Variants in GLI3 observed in about 807,000 individuals in gnomAD.
The protein encoded by GLI3 is transcription activator GLI3.
Under a neutral mutation model 100.8 loss-of-function variants are expected in GLI3, and 20 were observed. The observed-to-expected ratio is 0.20, with a 90% CI of 0.14 to 0.29. The LOEUF (loss-of-function observed/expected upper bound fraction) is 0.29. Ranked by LOEUF, GLI3 falls within the 10% of genes least tolerant of loss-of-function variation. GLI3 has a pLI of 1.00. For missense variants in GLI3, 2,040 were observed against 2,128.5 expected (o/e 0.96, Z 0.82); for synonymous variants, 938 against 860.5 (o/e 1.09, Z -1.58).
At chr7:42,123,102 T>C (rs1786041602) in intron 3 of GLI3, among the ~76,000 whole-genome samples, 1 of 152,238 alleles carries the variant, frequency 6.6e-6, no homozygotes, top group South Asian at 2.1e-4. Flanking sequence ...TTATTTCAAA[T>C]GCGTATGTCT....
At chr7:42,121,588 TC>T (rs1388992881) in intron 3 of GLI3, among the ~76,000 whole-genome samples, 2 of 152,196 alleles carry the variant, frequency 1.3e-5, no homozygotes, top group African/African-American at 4.8e-5. Context: ...TGCCCTCTCT[TC>T]CACATTGGTC....
intron 3 of GLI3, among the ~76,000 whole-genome samples, 175 bp downstream of exon 3, chr7:42,148,051 A>G (rs1786760114): frequency 6.6e-6 from 1 of 152,102 alleles, no homozygotes; most frequent in South Asian, 2.1e-4. Context: ...AAAGAATGGG[A>G]AAGAAGTAGG....
At chr7:42,263,714 C>T (rs1376899016) in intron 1 of GLI3, among the ~76,000 whole-genome samples, 3 of 152,130 alleles carry the variant, frequency 2.0e-5, no homozygotes, top group Non-Finnish European at 2.9e-5. Context: ...TCCCAAAGTG[C>T]TGGGATTACA....
rs187869238 is a variant in GLI3, at chr7:42,025,114, C to A, written c.1356+150G>T. ...GTCACTCCATATCTAGCCTTTTGTACAACATGTAGAGTACGGCCAAGGTCA... is the reference window on the plus strand; with the variant it reads ...GTCACTCCATATCTAGCCTTTTGTAAAACATGTAGAGTACGGCCAAGGTCA... On this transcript the variant is annotated intron_variant, in intron 9 of 14. Coordinates refer to ENST00000395925, the MANE Select transcript of GLI3 (RefSeq NM_000168.6). The A allele has an allele frequency of 3.5e-4, 218 of 628,236 alleles. 1 individual carries two copies. Among genetic ancestry groups the A allele is most frequent in the Admixed American group, 1.3e-3 (50 of 38,118 alleles). 38.9% of individuals were successfully genotyped at this position (628,236 alleles called of 1,614,324 possible).
intron 10 of GLI3, among the ~76,000 whole-genome samples, chr7:42,014,753 G>A (rs889600105): frequency 3.3e-5 from 5 of 152,092 alleles, no homozygotes; most frequent in Non-Finnish European, 5.9e-5. Context: ...CCCAACCCCA[G>A]CACCCTAGAT....
chr7:42,127,200 G>A (rs1440702560), intron 3 of GLI3, among the ~76,000 whole-genome samples: 1 of 152,202 alleles, frequency 6.6e-6, no homozygotes, highest in African/African-American at 2.4e-5. Context: ...CGGCCAGAGA[G>A]GCCCAGCAGT....
At chr7:42,091,178 T>C (rs1043963326) in intron 3 of GLI3, among the ~76,000 whole-genome samples, 6 of 152,258 alleles carry the variant, frequency 3.9e-5, no homozygotes, top group African/African-American at 1.4e-4. Context: ...ACTATGGAGC[T>C]GGTCCTGAGT....
At chr7:42,018,352 T>C (rs935188792) in intron 10 of GLI3, among the ~76,000 whole-genome samples, 4 of 152,244 alleles carry the variant, frequency 2.6e-5, no homozygotes, top group African/African-American at 9.6e-5. Context: ...TTTTATGTTT[T>C]ATGTGCACAC....
Position 41,966,081 on chromosome 7 carries a change from G to C in GLI3, c.2992C>G (p.Pro998Ala), listed in dbSNP as rs1420981151. The C allele has an allele frequency of 6.4e-7, 1 of 1,568,020 alleles. No individual in the cohort carries two copies. ...CTGGCCCTCCTCACGCCGTGGCCCG[G>C]CGCATCGTGCGGCTGCAGGTGGCGC... Reference protein sequence around the residue: ...GRRHLQPHDAPGHGVRRASDP... With the variant: ...GRRHLQPHDAAGHGVRRASDP... Residue 998 changes from proline to alanine, a missense_variant, in exon 15 of 15, where the codon CCG becomes GCG. Around this residue, in one of 5 missense-constraint regions of GLI3, gnomAD observed 1,041 missense variants for 924.0 expected, o/e 1.13. Coordinates refer to ENST00000395925, the MANE Select transcript of GLI3 (RefSeq NM_000168.6). The surrounding 1 kb of genome is among the most constrained non-coding windows in gnomAD (Gnocchi z 5.8).
At chr7:42,045,236 G>T in intron 6 of GLI3, 148 bp downstream of exon 6, 1 of 833,752 alleles carries the variant, frequency 1.2e-6, no homozygotes, top group South Asian at 1.4e-5. Flanking sequence ...AGAAAACGAA[G>T]GGAACCAGAG....
chr7:42,225,877 T>G (rs1442889811), intron 1 of GLI3, among the ~76,000 whole-genome samples: 1 of 152,154 alleles, frequency 6.6e-6, no homozygotes, highest in African/African-American at 2.4e-5. Flanking sequence ...GGCTGTATGC[T>G]CCATGAGGAC....
At chr7:42,025,211 G>T in intron 9 of GLI3, 53 bp downstream of exon 9, 1 of 1,214,584 alleles carries the variant, frequency 8.2e-7, no homozygotes, top group Non-Finnish European at 1.2e-6. Flanking sequence ...CTGACCCAAA[G>T]ACACCAGTCT....
upstream of GLI3, among the ~76,000 whole-genome samples, chr7:42,241,136 G>A (rs965072947): frequency 4.6e-5 from 7 of 152,110 alleles, no homozygotes; most frequent in Admixed American, 2.6e-4. Flanking sequence ...CATGCTTTAG[G>A]CAAAACAGGA....
intron 3 of GLI3, among the ~76,000 whole-genome samples, chr7:42,079,018 C>T (rs4724093): frequency 0.31 from 47,523 of 151,998 alleles, 8,211 homozygotes; most frequent in East Asian, 0.54. Flanking sequence ...CGTCAGCCAC[C>T]GCGCCCGGCC....
At chr7:42,042,357 A>G (rs1221329769) in intron 6 of GLI3, among the ~76,000 whole-genome samples, 1 of 152,100 alleles carries the variant, frequency 6.6e-6, no homozygotes, top group Non-Finnish European at 1.5e-5. Context: ...TACTTTTATA[A>G]TGGCATCTGC....
intron 3 of GLI3, among the ~76,000 whole-genome samples, chr7:42,088,735 A>T (rs1368163391): frequency 6.6e-6 from 1 of 152,216 alleles, no homozygotes; most frequent in Admixed American, 6.5e-5. Flanking sequence ...GGAGGATGAT[A>T]GGCTTGGGGG....
rs76027998 is a variant in GLI3, at chr7:42,206,337, G to A, written c.124+16793C>T. ...CTAAAGGGATACTTTTAATCATGAC[G>A]TATTTCAGAGAATAACATAAGCAAC... On this transcript the variant is annotated intron_variant, in intron 2 of 14. Coordinates refer to ENST00000395925, the MANE Select transcript of GLI3 (RefSeq NM_000168.6). Among the ~76,000 whole-genome samples, 339 of 151,802 alleles carry A rather than the reference G, an allele frequency of 2.2e-3. 2 individuals carry two copies. Among genetic ancestry groups the A allele is most frequent in the African/African-American group, 7.8e-3 (325 of 41,432 alleles).
intron 3 of GLI3, among the ~76,000 whole-genome samples, chr7:42,094,420 T>C (rs867529052): frequency 8.6e-5 from 13 of 151,544 alleles, no homozygotes; most frequent in Non-Finnish European, 1.6e-4. Flanking sequence ...CTGGACAACA[T>C]GGTAAAACCC....
chr7:42,043,350 A>G (rs1784181763), intron 6 of GLI3, among the ~76,000 whole-genome samples: 1 of 152,236 alleles, frequency 6.6e-6, no homozygotes, highest in East Asian at 1.9e-4. Flanking sequence ...TTAATAAACA[A>G]GCAAAAGAAG....
Sources: allele counts gnomAD v4.1 joint callset (sites outside exome capture counted in the v4.1 genomes callset), GRCh38; gene constraint gnomAD v4.1.1; regional missense constraint gnomAD v4.1.1; non-coding constraint Gnocchi (gnomAD v3.1); transcripts MANE v1.5; gene names NCBI Gene and HGNC (gene_info 2026-07-23, HGNC 2026-07-21).